Variants in TJP1 observed in about 807,000 individuals in gnomAD.
The protein encoded by TJP1 is tight junction protein ZO-1.
In TJP1, 43 loss-of-function variants were observed where a neutral mutation model predicts 194.2. The observed-to-expected ratio is 0.22, with a 90% confidence interval of 0.17 to 0.29. The LOEUF (loss-of-function observed/expected upper bound fraction) is 0.29, where lower values mean the gene tolerates loss of function less well. Ranked by LOEUF, TJP1 falls within the 10% of genes least tolerant of loss-of-function variation. The pLI is 1.00. For missense variants in TJP1, 1,971 were observed against 2,185.7 expected (o/e 0.90, Z 1.96); for synonymous variants, 801 against 779.0 (o/e 1.03, Z -0.47).
chr15:29,960,597 C>T (rs1238238102), intron 1 of TJP1, among the ~76,000 whole-genome samples: 1 of 149,448 alleles, frequency 6.7e-6, no homozygotes, highest in East Asian at 2.0e-4. Context: ...GATCATACCA[C>T]TGCACTCCAG....
At chr15:29,833,722 A>C (rs958836845) in intron 2 of TJP1, among the ~76,000 whole-genome samples, 1 of 151,008 alleles carries the variant, frequency 6.6e-6, no homozygotes, top group Non-Finnish European at 1.5e-5. Flanking sequence ...AAATTAATTG[A>C]TACTTTAATC....
chr15:29,701,494 G>A lies in TJP1; in HGVS notation c.*101C>T. 1.1e-6 allele frequency: 1 copy of A among 912,008 alleles called. No homozygotes were observed. Among genetic ancestry groups the A allele is most frequent in the Non-Finnish European group, 1.7e-6 (1 of 588,746 alleles). The allele number at this position is 912,008 out of a possible 1,614,324, so 56.5% of individuals were successfully genotyped here. Reference sequence around the variant, plus strand: ...AACAAATGCCTCATACTAACAAACTGTAGTATCAACTCTAAAAAAGGTATA... The same window carrying A: ...AACAAATGCCTCATACTAACAAACTATAGTATCAACTCTAAAAAAGGTATA... On this transcript the variant is annotated 3_prime_UTR_variant, in exon 28 of 28. Transcript: ENST00000614355.
At chr15:29,874,206 T>C (rs766996390) in intron 2 of TJP1, among the ~76,000 whole-genome samples, 8 of 152,156 alleles carry the variant, frequency 5.3e-5, no homozygotes, top group Non-Finnish European at 8.8e-5. Context: ...TAGGGCAAGA[T>C]AGGGCCTGCG....
chr15:29,788,592 A>G (rs1418082913), intron 2 of TJP1, among the ~76,000 whole-genome samples: 2 of 152,238 alleles, frequency 1.3e-5, no homozygotes, highest in East Asian at 3.9e-4. Flanking sequence ...TTGGCACCCC[A>G]TCCCAAGTTT....
intron 2 of TJP1, among the ~76,000 whole-genome samples, chr15:29,852,488 C>A (rs1435068034): frequency 6.6e-6 from 1 of 152,190 alleles, no homozygotes; most frequent in Admixed American, 6.5e-5. Context: ...AAAATTGGAT[C>A]ACTTGTACAT....
intron 2 of TJP1, among the ~76,000 whole-genome samples, chr15:29,779,348 C>T (rs2047209624): frequency 1.3e-5 from 2 of 152,200 alleles, no homozygotes; most frequent in Non-Finnish European, 2.9e-5. Context: ...TCCTAACTAA[C>T]TCACTTTTCC....
chr15:29,716,727 A>G lies in TJP1; in HGVS notation c.4086T>C (p.Phe1362=), dbSNP rs745723868. 9 of 1,614,060 alleles carry G rather than the reference A, an allele frequency of 5.6e-6. No individual in the cohort carries two copies. Among genetic ancestry groups the G allele is most frequent in the East Asian group, 2.2e-5 (1 of 44,892 alleles). Reference sequence around the variant, plus strand: ...GCTTATTCTCAAAACTTCTTCGGTCAAAGTATGACAGCTGTTTTCGATAAT... The same window carrying G: ...GCTTATTCTCAAAACTTCTTCGGTCGAAGTATGACAGCTGTTTTCGATAAT... ...EEYYRKQLSY[F]DRRSFENKPP... The change falls in exon 23 of 28, where the codon TTT becomes TTC. Residue 1362 remains phenylalanine (F), a synonymous_variant. Coordinates refer to ENST00000614355, the MANE Select transcript of TJP1 (RefSeq NM_001330239.4).
chr15:29,796,114 T>C (rs2048383479), intron 2 of TJP1, among the ~76,000 whole-genome samples: 1 of 151,382 alleles, frequency 6.6e-6, no homozygotes, highest in African/African-American at 2.4e-5. Context: ...TTTTACCCAG[T>C]ATTAAGAGTA....
At chr15:29,891,712 G>T (rs1406792025) in intron 2 of TJP1, among the ~76,000 whole-genome samples, 1 of 151,988 alleles carries the variant, frequency 6.6e-6, no homozygotes, top group Non-Finnish European at 1.5e-5. Flanking sequence ...ATTGTTTTGG[G>T]GCACCACAAA....
intron 2 of TJP1, among the ~76,000 whole-genome samples, chr15:29,789,232 T>A (rs1450861638): frequency 2.0e-5 from 3 of 152,206 alleles, no homozygotes; most frequent in African/African-American, 7.2e-5. Flanking sequence ...AGTGACTTTA[T>A]TCGACATGGT....
intron 2 of TJP1, among the ~76,000 whole-genome samples, chr15:29,786,305 C>T (rs2047696272): frequency 6.6e-6 from 1 of 152,132 alleles, no homozygotes; most frequent in Non-Finnish European, 1.5e-5. Context: ...TTACAGAATA[C>T]CTCCAAGTCC....
chr15:29,968,456 C>T (rs2152330248), intron 1 of TJP1: 2 of 967,850 alleles, frequency 2.1e-6, no homozygotes, highest in East Asian at 1.1e-4. Context: ...CGAAACCAGT[C>T]AGCGGGCACG....
At chr15:29,791,602 C>G (rs905641469) in intron 2 of TJP1, among the ~76,000 whole-genome samples, 1 of 148,658 alleles carries the variant, frequency 6.7e-6, no homozygotes, top group African/African-American at 2.5e-5. Context: ...ACCGTGTTAG[C>G]CAGGATGGTC....
chr15:29,952,542 C>T (rs895163221), intron 2 of TJP1, among the ~76,000 whole-genome samples: 3 of 151,916 alleles, frequency 2.0e-5, no homozygotes, highest in African/African-American at 7.3e-5. Context: ...GAAACTGGGA[C>T]CAGGAAACTA....
At chr15:29,738,085 A>AG (rs2044155272) in intron 10 of TJP1, among the ~76,000 whole-genome samples, 1 of 152,106 alleles carries the variant, frequency 6.6e-6, no homozygotes, top group African/African-American at 2.4e-5. Context: ...TAATGCATAC[A>AG]CACCCACCTC....
intron 2 of TJP1, among the ~76,000 whole-genome samples, chr15:29,857,743 G>A (rs1246742165): frequency 1.3e-5 from 2 of 152,056 alleles, no homozygotes; most frequent in African/African-American, 4.8e-5. Context: ...GTTTAAATGA[G>A]TACATTTTAT....
intron 15 of TJP1, chr15:29,728,932 C>T (rs1027057434): frequency 3.3e-5 from 5 of 152,196 alleles, no homozygotes; most frequent in African/African-American, 1.2e-4. Context: ...ACTAACTCCT[C>T]AACTCAAAAG....
intron 2 of TJP1, among the ~76,000 whole-genome samples, chr15:29,796,820 G>C (rs1200951054): frequency 6.6e-6 from 1 of 152,176 alleles, no homozygotes; most frequent in Non-Finnish European, 1.5e-5. Flanking sequence ...TAAAAAGGCA[G>C]ACACACAGAT....
chr15:29,736,136 G>A (rs2044019530), intron 11 of TJP1, among the ~76,000 whole-genome samples: 1 of 152,130 alleles, frequency 6.6e-6, no homozygotes, highest in South Asian at 2.1e-4. Context: ...AAAAATAAAG[G>A]AAAATGAGGC....
Sources: gnomAD v4.1 joint callset for allele counts (sites outside exome capture counted in the v4.1 genomes callset) on GRCh38, gnomAD v4.1.1 for gene constraint, MANE v1.5 for transcripts, NCBI Gene and HGNC (gene_info 2026-07-23, HGNC 2026-07-21) for gene names.